The following ANO10 variants were observed in gnomAD, a reference collection of about 807,000 sequenced individuals.
ANO10 encodes anoctamin-10.
In ANO10, 77 loss-of-function variants were observed where a neutral mutation model predicts 74.7. That is an observed-to-expected ratio of 1.03 (90% CI 0.86 to 1.25). ANO10 has a LOEUF of 1.25. Ranked by LOEUF, ANO10 falls within the 50% of genes most tolerant of loss-of-function variation. The pLI is 0.00. For missense variants in ANO10, 721 were observed against 778.1 expected, an observed-to-expected ratio of 0.93 and a Z score of 0.87; for synonymous variants, 279 against 284.9, an observed-to-expected ratio of 0.98 and a Z score of 0.21.
intron 11 of ANO10, among the ~76,000 whole-genome samples, chr3:43,491,862 A>G (rs1418143308): frequency 1.3e-5 from 2 of 152,218 alleles, no homozygotes; most frequent in Non-Finnish European, 2.9e-5. Flanking sequence ...TAGCAACACT[A>G]TCAACATAAT....
chr3:43,599,346 C>T (rs1265981354), intron 3 of ANO10, among the ~76,000 whole-genome samples: 1 of 152,138 alleles, frequency 6.6e-6, no homozygotes, highest in Non-Finnish European at 1.5e-5. Flanking sequence ...CCCTGGCTTT[C>T]CCAGTTCTTT....
At chr3:43,526,340 T>C (rs1195026926) in intron 11 of ANO10, among the ~76,000 whole-genome samples, 1 of 152,224 alleles carries the variant, frequency 6.6e-6, no homozygotes, top group African/African-American at 2.4e-5. Context: ...ACATGTATGA[T>C]TATTTTTGTA....
intron 11 of ANO10, among the ~76,000 whole-genome samples, chr3:43,435,496 G>A (rs2093053193): frequency 7.0e-6 from 1 of 143,374 alleles, no homozygotes; most frequent in East Asian, 2.1e-4. Flanking sequence ...GTGACAGAGC[G>A]AGACTCCATC....
At chr3:43,377,547 CA>C (rs2091842825) in intron 12 of ANO10, among the ~76,000 whole-genome samples, 2 of 152,210 alleles carry the variant, frequency 1.3e-5, no homozygotes, top group South Asian at 4.1e-4. Flanking sequence ...TGTTGTCATA[CA>C]GGTCACCTGG....
At chr3:43,389,739 C>A (rs1188689640) in intron 12 of ANO10, among the ~76,000 whole-genome samples, 4 of 152,098 alleles carry the variant, frequency 2.6e-5, no homozygotes, top group Admixed American at 6.5e-5. Flanking sequence ...AATGACTTAA[C>A]AAAATAAGCT....
chr3:43,401,407 C>CA (rs1553647597), intron 12 of ANO10, among the ~76,000 whole-genome samples: 2 of 151,868 alleles, frequency 1.3e-5, no homozygotes, highest in Non-Finnish European at 2.9e-5. Flanking sequence ...TTTTAAAAGG[C>CA]GGGGGGGAAA....
chr3:43,619,692 A>T (rs1424212683), intron 1 of ANO10, among the ~76,000 whole-genome samples: 4 of 149,606 alleles, frequency 2.7e-5, no homozygotes, highest in African/African-American at 1.0e-4. Flanking sequence ...TCTACAATAA[A>T]TACAAAAAAA....
chr3:43,534,485 C>T (rs568266149), intron 11 of ANO10, among the ~76,000 whole-genome samples: 5 of 145,978 alleles, frequency 3.4e-5, no homozygotes, highest in East Asian at 2.0e-4. Context: ...TGAGAGAGAG[C>T]GCGCAAGAGA....
At chr3:43,686,293 C>CT (rs1167044232) in intron 1 of ANO10, among the ~76,000 whole-genome samples, 5 of 151,316 alleles carry the variant, frequency 3.3e-5, no homozygotes, top group Admixed American at 6.6e-5. Flanking sequence ...AACTTTTATT[C>CT]TTTTTTTTTG....
At chr3:43,650,273 C>T (rs773689276) in intron 1 of ANO10, among the ~76,000 whole-genome samples, 1 of 152,098 alleles carries the variant, frequency 6.6e-6, no homozygotes, top group Non-Finnish European at 1.5e-5. Context: ...GCCAATTCTT[C>T]GACTGTCCCT....
intron 11 of ANO10, among the ~76,000 whole-genome samples, chr3:43,541,922 T>C (rs1006466459): frequency 6.6e-6 from 1 of 152,210 alleles, no homozygotes; most frequent in Non-Finnish European, 1.5e-5. Context: ...AACAAACATC[T>C]GGCATTCGAC....
intron 1 of ANO10, among the ~76,000 whole-genome samples, chr3:43,667,368 C>T (rs745782679): frequency 2.0e-5 from 3 of 151,996 alleles, no homozygotes; most frequent in African/African-American, 2.4e-5. Context: ...GGATTACACG[C>T]GTGGGCCACT....
In ANO10 at chr3:43,555,448, C is replaced by T; in HGVS notation, c.1498G>A (p.Glu500Lys). The change falls in exon 10 of 13, where the codon GAG (glutamate) becomes AAG (lysine). Residue 500 changes from glutamate to lysine, a missense_variant. Physicochemically the swap from Glu to Lys is moderately conservative, Grantham distance 56. Transcript: ENST00000292246. ...ACATAACCAAACTGCAGGAATAACTCCAAGTAATCATCAAAGGTGCCCTGA... is the reference window on the plus strand; with the variant it reads ...ACATAACCAAACTGCAGGAATAACTTCAAGTAATCATCAAAGGTGCCCTGA... ...TYLGTFDDYL[E>K]LFLQFGYVSL... 6.2e-7 allele frequency: 1 copy of T among 1,614,044 alleles called. No individual in the cohort carries two copies. Among genetic ancestry groups the T allele is most frequent in the Non-Finnish European group, 8.5e-7 (1 of 1,180,002 alleles).
At chr3:43,368,004 A>G (rs2091471057) in intron 12 of ANO10, among the ~76,000 whole-genome samples, 2 of 152,086 alleles carry the variant, frequency 1.3e-5, no homozygotes, top group African/African-American at 2.4e-5. Flanking sequence ...CAGACTGTCA[A>G]TCAAAAGTCC....
intron 11 of ANO10, among the ~76,000 whole-genome samples, chr3:43,438,819 T>A: frequency 6.6e-6 from 1 of 150,640 alleles, no homozygotes; most frequent in Non-Finnish European, 1.5e-5. Flanking sequence ...ATCAGTGAAC[T>A]CAAAGATAGG....
chr3:43,470,499 G>A (rs2075806853), intron 11 of ANO10, among the ~76,000 whole-genome samples: 3 of 152,060 alleles, frequency 2.0e-5, no homozygotes, highest in South Asian at 2.1e-4. Flanking sequence ...GACTACAGGC[G>A]CGCCTGGCTA....
chr3:43,433,975 C>G (rs2093029905), intron 11 of ANO10, among the ~76,000 whole-genome samples: 1 of 151,962 alleles, frequency 6.6e-6, no homozygotes, highest in East Asian at 1.9e-4. Flanking sequence ...AGAAAAAGGA[C>G]AGTTGAAAAA....
intron 10 of ANO10, among the ~76,000 whole-genome samples, chr3:43,552,732 ATGTATG>A (rs1559688293): frequency 1.6e-4 from 22 of 134,670 alleles, no homozygotes; most frequent in African/African-American, 3.8e-4. Context: ...ATATATATGT[ATGTATG>A]TATGTATGTA....
At chr3:43,564,921 C>T (rs777905346) in intron 8 of ANO10, among the ~76,000 whole-genome samples, 7 of 152,190 alleles carry the variant, frequency 4.6e-5, no homozygotes, top group Non-Finnish European at 8.8e-5. Context: ...AATGAGAAGT[C>T]ACATCCAACT....
Sources: gnomAD v4.1 joint callset for allele counts (sites outside exome capture counted in the v4.1 genomes callset) on GRCh38, gnomAD v4.1.1 for gene constraint, MANE v1.5 for transcripts, NCBI Gene and HGNC (gene_info 2026-07-23, HGNC 2026-07-21) for gene names.